The following POLR3B variants were observed in gnomAD, a reference collection of about 807,000 sequenced individuals.
The protein encoded by POLR3B is RNA polymerase III subunit B.
POLR3B carries 96 observed loss-of-function variants against 147.4 expected under a neutral mutation model. The ratio of observed to expected loss-of-function variants is 0.65; its 90% confidence interval spans 0.55 to 0.77. The LOEUF (loss-of-function observed/expected upper bound fraction) is 0.77. POLR3B is among the 30% of genes least tolerant of loss of function. POLR3B has a pLI of 0.00. For missense variants in POLR3B, 1,036 were observed against 1,413.5 expected (o/e 0.73, Z 4.28); for synonymous variants, 461 against 485.9 (o/e 0.95, Z 0.67).
chr12:106,383,120 T>C (rs897673706), intron 9 of POLR3B, among the ~76,000 whole-genome samples: 3 of 152,232 alleles, frequency 2.0e-5, no homozygotes, highest in African/African-American at 7.2e-5. Context: ...TTTCCAACTT[T>C]TCTTCTGCCT....
At chr12:106,384,830 CTT>C (rs576719116) in intron 9 of POLR3B, among the ~76,000 whole-genome samples, 33 of 140,662 alleles carry the variant, frequency 2.3e-4, no homozygotes, top group Non-Finnish European at 1.9e-4. Flanking sequence ...TATTAAATGT[CTT>C]TTTTTTTTTT....
intron 25 of POLR3B, among the ~76,000 whole-genome samples, chr12:106,500,340 T>G (rs1354217863): frequency 2.0e-5 from 3 of 152,214 alleles, no homozygotes; most frequent in Non-Finnish European, 4.4e-5. Flanking sequence ...TTCTAAAGAT[T>G]CATTGAAGCA....
chr12:106,456,601 G>A (rs1429856492), intron 20 of POLR3B, among the ~76,000 whole-genome samples: 1 of 152,170 alleles, frequency 6.6e-6, no homozygotes, highest in East Asian at 1.9e-4. Context: ...AAACTTTCCA[G>A]GGAAGTTTAG....
chr12:106,484,177 C>A (rs377349507), intron 23 of POLR3B, among the ~76,000 whole-genome samples: 10 of 151,878 alleles, frequency 6.6e-5, no homozygotes, highest in African/African-American at 1.5e-4. Flanking sequence ...CAGAGAAGAG[C>A]AAATGAATGG....
chr12:106,457,960 G>C (rs1002835596), intron 21 of POLR3B, among the ~76,000 whole-genome samples: 5 of 152,112 alleles, frequency 3.3e-5, no homozygotes, highest in African/African-American at 1.2e-4. Flanking sequence ...CTTGTGCAAG[G>C]GTCCCAGAGC....
At chr12:106,379,056 A>T (rs370661474) in intron 8 of POLR3B, among the ~76,000 whole-genome samples, 22 of 152,324 alleles carry the variant, frequency 1.4e-4, no homozygotes, top group African/African-American at 5.3e-4. Context: ...TCTGATGGAG[A>T]GGCAGCTAAC....
At chr12:106,453,503 AAGAG>A (rs977837064) in intron 19 of POLR3B, among the ~76,000 whole-genome samples, 10 of 152,112 alleles carry the variant, frequency 6.6e-5, no homozygotes, top group South Asian at 4.2e-4. Flanking sequence ...AAGCGTGTGC[AAGAG>A]AGAGAGACTT....
intron 18 of POLR3B, among the ~76,000 whole-genome samples, chr12:106,438,513 T>C (rs1025988843): frequency 2.6e-5 from 4 of 151,844 alleles, no homozygotes; most frequent in African/African-American, 9.7e-5. Flanking sequence ...TTTTTTTTTT[T>C]TGAGACAAGG....
intron 23 of POLR3B, among the ~76,000 whole-genome samples, chr12:106,495,069 G>C (rs553603704): frequency 6.6e-6 from 1 of 152,190 alleles, no homozygotes; most frequent in East Asian, 1.9e-4. Flanking sequence ...CAGAGAAAAG[G>C]AATTTTATCT....
rs1468523725 is a variant in POLR3B at position 106,380,026 on chromosome 12, C to T, written c.615-5C>T. ...GCAGTTTAACCAACTTGTATTTACT[C>T]ATAGCTCTACCCATGAGAAAAAAAG... On this transcript the variant is annotated splice_region_variant and splice_polypyrimidine_tract_variant and intron_variant, in intron 8 of 27. Coordinates refer to ENST00000228347, the MANE Select transcript of POLR3B (RefSeq NM_018082.6). 1.1e-5 allele frequency: 17 copies of T among 1,588,908 alleles called. No homozygotes were observed. The highest frequency in any genetic ancestry group is 1.5e-5 in the Non-Finnish European group (17 of 1,157,760).
At chr12:106,385,729 C>G (rs1386225492) in intron 9 of POLR3B, among the ~76,000 whole-genome samples, 1 of 152,136 alleles carries the variant, frequency 6.6e-6, no homozygotes, top group East Asian at 1.9e-4. Context: ...AAGTCAGGTT[C>G]TTTAACTCAG....
intron 4 of POLR3B, among the ~76,000 whole-genome samples, 182 bp from the exon 5 acceptor site, chr12:106,369,093 C>T (rs2036569363): frequency 1.3e-5 from 2 of 152,142 alleles, no homozygotes; most frequent in African/African-American, 4.8e-5. Context: ...ATATTTCCCT[C>T]CTTTGTAAAG....
At chr12:106,401,381 G>A (rs764951220) in intron 10 of POLR3B, among the ~76,000 whole-genome samples, 4 of 151,834 alleles carry the variant, frequency 2.6e-5, no homozygotes, top group Admixed American at 1.3e-4. Flanking sequence ...TCTACCAGAG[G>A]TACAAGGAGG....
At chr12:106,396,472 G>C (rs564856822) in intron 10 of POLR3B, among the ~76,000 whole-genome samples, 1 of 152,240 alleles carries the variant, frequency 6.6e-6, no homozygotes, top group East Asian at 1.9e-4. Flanking sequence ...TCCAAACACT[G>C]TACTAATCAC....
At chr12:106,382,169 T>TA (rs1382029694) in intron 9 of POLR3B, 1 of 152,520 alleles carries the variant, frequency 6.6e-6, no homozygotes, top group East Asian at 1.9e-4. Flanking sequence ...TGCAGCCCAG[T>TA]AGGTCTCAGC....
chr12:106,408,148 G>C (rs1311088453), intron 11 of POLR3B, among the ~76,000 whole-genome samples: 1 of 152,148 alleles, frequency 6.6e-6, no homozygotes, highest in Non-Finnish European at 1.5e-5. Context: ...GCTTAAAATT[G>C]GTTGTTTAAA....
At chr12:106,497,457 C>A (rs1044131418) in intron 25 of POLR3B, among the ~76,000 whole-genome samples, 1 of 151,998 alleles carries the variant, frequency 6.6e-6, no homozygotes, top group African/African-American at 2.4e-5. Context: ...TATAGTGAGA[C>A]CTCGTCTCAA....
intron 23 of POLR3B, among the ~76,000 whole-genome samples, chr12:106,479,739 T>G (rs2038237576): frequency 6.6e-6 from 1 of 151,972 alleles, no homozygotes; most frequent in African/African-American, 2.4e-5. Flanking sequence ...AGTTTTAGTT[T>G]TTTGGTTTTT....
At chr12:106,426,267 T>TGTGTGTGTGTGTGTGTG (rs1565892652) in intron 12 of POLR3B, among the ~76,000 whole-genome samples, 2 of 149,006 alleles carry the variant, frequency 1.3e-5, no homozygotes, top group Non-Finnish European at 3.0e-5. Flanking sequence ...TGTGTGTGTG[T>TGTGTGTGTGTGTGTGTG]TTAAGACAGA....
Sources: gnomAD v4.1 joint callset for allele counts (sites outside exome capture counted in the v4.1 genomes callset) on GRCh38, gnomAD v4.1.1 for gene constraint, MANE v1.5 for transcripts, NCBI Gene and HGNC (gene_info 2026-07-23, HGNC 2026-07-21) for gene names.